Variants in SIKE1 observed in about 807,000 individuals in gnomAD.
The protein encoded by SIKE1 is suppressor of IKK epsilon.
SIKE1 carries 13 observed loss-of-function variants against 25.8 expected under a neutral mutation model. That is an observed-to-expected ratio of 0.50 (90% CI 0.33 to 0.80). The LOEUF (loss-of-function observed/expected upper bound fraction) is 0.80. Among genes scored for constraint, SIKE1 ranks in the 30% least tolerant of loss-of-function variants. The pLI, the probability that SIKE1 is intolerant of heterozygous loss-of-function variation, is 0.02. For missense variants in SIKE1, 222 were observed against 252.4 expected (o/e 0.88, Z 0.82); for synonymous variants, 86 against 95.5 (o/e 0.90, Z 0.58).
Position 114,776,278 on chromosome 1 carries a change from G to C in SIKE1, c.522+68C>G, listed in dbSNP as rs530319816. The C allele has an allele frequency of 1.5e-3, 1,406 of 925,336 alleles. 6 individuals carry two copies. Among genetic ancestry groups the C allele is most frequent in the South Asian group, 7.3e-3 (556 of 76,438 alleles). The allele number at this position is 925,336 out of a possible 1,614,324, so 57.3% of individuals were successfully genotyped here. A position where few individuals can be genotyped will look rare whatever the true frequency, so the allele number is the denominator to read the frequency against. On this transcript the variant is annotated intron_variant, in intron 4 of 4. Coordinates refer to ENST00000060969, the MANE Select transcript of SIKE1 (RefSeq NM_025073.3). Reference sequence around the variant, plus strand: ...ATCAATATATTACAGTGATGGGATAGTGATGGCATATCTTCCAGACTCGGA... The same window carrying C: ...ATCAATATATTACAGTGATGGGATACTGATGGCATATCTTCCAGACTCGGA...
chr1:114,780,034 G>A (rs1020917459), intron 2 of SIKE1, 76 bp downstream of exon 2: 1 of 997,754 alleles, frequency 1.0e-6, no homozygotes, highest in Non-Finnish European at 1.6e-6. Context: ...GGAAATATAT[G>A]TACACTTTTG....
Position 114,773,973 on chromosome 1 carries a change from A to G in SIKE1, c.*298T>C. ...TTATAAAAAATGCTCAAAGTTTCAG[A>G]GATGTGAAAAATAACAAAGAACTGA... On this transcript the variant is annotated 3_prime_UTR_variant, in exon 5 of 5. Transcript: ENST00000060969. 1 of 215,732 alleles carries G rather than the reference A, an allele frequency of 4.6e-6. No individual in the cohort carries two copies. The highest frequency in any genetic ancestry group is 9.1e-6 in the Non-Finnish European group (1 of 109,720). 13.4% of individuals were successfully genotyped at this position (215,732 alleles called of 1,614,324 possible).
At chr1:114,777,293 T>C (rs1244355316) in intron 3 of SIKE1, among the ~76,000 whole-genome samples, 2 of 152,182 alleles carry the variant, frequency 1.3e-5, no homozygotes, top group Non-Finnish European at 2.9e-5. Flanking sequence ...CTCATTCCAG[T>C]TGTATATGTT....
chr1:114,780,272 T>C (rs1287335238), intron 1 of SIKE1, 57 bp from the exon 2 acceptor site: 1 of 1,557,158 alleles, frequency 6.4e-7, no homozygotes. Context: ...CAGATGCAAC[T>C]GAAGAGGCAG....
chr1:114,776,410 C>G lies in SIKE1; in HGVS notation c.458G>C (p.Arg153Thr), dbSNP rs1662239521. ...DRICEMGEVMRKAVQVDDDQF... is the reference protein window; with the variant it reads ...DRICEMGEVMTKAVQVDDDQF... Reference sequence around the variant, plus strand: ...GTCATCATCCACCTGAACTGCTTTCCTCATCACTTCTCCCATTTCACAGAT... The same window carrying G: ...GTCATCATCCACCTGAACTGCTTTCGTCATCACTTCTCCCATTTCACAGAT... The change falls in exon 4 of 5, where the codon AGG becomes ACG. Residue 153 changes from arginine (R) to threonine (T), a missense_variant. Physicochemically the swap from Arg to Thr is moderately conservative, Grantham distance 71. Coordinates refer to ENST00000060969, the MANE Select transcript of SIKE1 (RefSeq NM_025073.3). 6.2e-7 allele frequency: 1 copy of G among 1,613,606 alleles called. No individual in the cohort carries two copies. The highest frequency in any genetic ancestry group is 1.1e-5 in the South Asian group (1 of 91,072).
chr1:114,777,079 C>T (rs1317885650), intron 3 of SIKE1, among the ~76,000 whole-genome samples: 1 of 152,144 alleles, frequency 6.6e-6, no homozygotes, highest in Non-Finnish European at 1.5e-5. Flanking sequence ...GGGTGGGGAA[C>T]ATCACACACC....
chr1:114,780,014 G>C, intron 2 of SIKE1, 96 bp downstream of exon 2: 1 of 840,748 alleles, frequency 1.2e-6, no homozygotes, highest in South Asian at 1.6e-5. Context: ...CCTACTAAAA[G>C]TACTGACCTG....
chr1:114,773,192 T>C lies in SIKE1; in HGVS notation c.*1079A>G, dbSNP rs965370423. On this transcript the variant is annotated 3_prime_UTR_variant, in exon 5 of 5. Transcript: ENST00000060969. ...GTGAACCCAGTTGACCACTGGGCAT[T>C]TGAATCTCAATGTTGCCTACACAGC... 6.6e-6 allele frequency: 1 copy of C among 152,146 alleles called. No homozygotes were observed. The highest frequency in any genetic ancestry group is 1.9e-4 in the East Asian group (1 of 5,192). 9.4% of individuals were successfully genotyped at this position (152,146 alleles called of 1,614,324 possible).
At chr1:114,780,355 G>A in intron 1 of SIKE1, 94 bp downstream of exon 1, 1 of 1,606,418 alleles carries the variant, frequency 6.2e-7, no homozygotes, top group African/African-American at 1.3e-5. Flanking sequence ...TCTGAGACCG[G>A]GAATAAATTC....
At chr1:114,779,370 T>A in intron 2 of SIKE1, 86 bp from the exon 3 acceptor site, 2 of 1,301,638 alleles carry the variant, frequency 1.5e-6, no homozygotes, top group Non-Finnish European at 2.1e-6. Flanking sequence ...TTTGTAACAC[T>A]ATATAGATAA....
In SIKE1 at chr1:114,769,533, T is replaced by G. The variant is rs558605372; in HGVS notation, c.*4738A>C. On this transcript the variant is annotated 3_prime_UTR_variant, in exon 5 of 5. Transcript: ENST00000060969. ...TATGTATGTATTCCTTAACAATATG[T>G]TGTATAACCCAACAATGAAATATAC... The G allele has an allele frequency of 6.6e-6, 1 of 152,278 alleles. No individual in the cohort carries two copies. Among genetic ancestry groups the G allele is most frequent in the African/African-American group, 2.4e-5 (1 of 41,566 alleles). 9.4% of individuals were successfully genotyped at this position (152,278 alleles called of 1,614,324 possible).
At chr1:114,777,592 G>A (rs897167601) in intron 3 of SIKE1, among the ~76,000 whole-genome samples, 1 of 152,110 alleles carries the variant, frequency 6.6e-6, no homozygotes, top group Admixed American at 6.5e-5. Flanking sequence ...GGCTGTAATT[G>A]CAGAGAATAA....
intron 4 of SIKE1, 35 bp downstream of exon 4, chr1:114,776,311 G>T: frequency 7.8e-7 from 1 of 1,281,562 alleles, no homozygotes; most frequent in Non-Finnish European, 1.1e-6. Context: ...GGAAAACTAT[G>T]AAATACTGTG....
chr1:114,769,547 A>G lies in SIKE1; in HGVS notation c.*4724T>C, dbSNP rs1473495110. ...TTAACAATATGTTGTATAACCCAAC[A>G]ATGAAATATACATCAATGAAAATGA... On this transcript the variant is annotated 3_prime_UTR_variant, in exon 5 of 5. Transcript: ENST00000060969. The G allele has an allele frequency of 2.0e-5, 3 of 152,322 alleles. No individual in the cohort carries two copies. The highest frequency in any genetic ancestry group is 4.8e-5 in the African/African-American group (2 of 41,590). 9.4% of individuals were successfully genotyped at this position (152,322 alleles called of 1,614,324 possible). A position where few individuals can be genotyped will look rare whatever the true frequency, so the allele number is the denominator to read the frequency against.
rs1195255556 is a variant in SIKE1 at position 114,774,054 on chromosome 1, T to C, written c.*217A>G. 5 of 364,468 alleles carry C rather than the reference T, an allele frequency of 1.4e-5. No individual in the cohort carries two copies. The East Asian group carries it at 2.0e-4, about 15-fold the overall frequency. 22.6% of individuals were successfully genotyped at this position (364,468 alleles called of 1,614,324 possible). On this transcript the variant is annotated 3_prime_UTR_variant, in exon 5 of 5. Coordinates refer to ENST00000060969, the MANE Select transcript of SIKE1 (RefSeq NM_025073.3). Reference sequence around the variant, plus strand: ...AAATGAAAATTAAAAGTAGTCTCTTTGAGAAAGGAATGGTGAAATTCAGCA... The same window carrying C: ...AAATGAAAATTAAAAGTAGTCTCTTCGAGAAAGGAATGGTGAAATTCAGCA...
Position 114,773,515 on chromosome 1 carries a change from T to A in SIKE1, c.*756A>T, listed in dbSNP as rs1662126715. The A allele has an allele frequency of 6.6e-6, 1 of 152,204 alleles. No individual in the cohort carries two copies. Among genetic ancestry groups the A allele is most frequent in the Non-Finnish European group, 1.5e-5 (1 of 68,042 alleles). The allele number at this position is 152,204 out of a possible 1,614,324, so 9.4% of individuals were successfully genotyped here. Reference sequence around the variant, plus strand: ...TATTTTGTGTGTGTTTTTGGCTGATTATATTTAATAAAAGCTACTTTTAGT... The same window carrying A: ...TATTTTGTGTGTGTTTTTGGCTGATAATATTTAATAAAAGCTACTTTTAGT... On this transcript the variant is annotated 3_prime_UTR_variant, in exon 5 of 5. Transcript: ENST00000060969.
chr1:114,776,212 A>G (rs1662234046), intron 4 of SIKE1, 134 bp downstream of exon 4: 2 of 637,424 alleles, frequency 3.1e-6, no homozygotes, highest in African/African-American at 1.8e-5. Context: ...AAAGGGTATG[A>G]AGGAGGAGTT....
At chr1:114,777,814 A>T (rs1443565029) in intron 3 of SIKE1, among the ~76,000 whole-genome samples, 1 of 151,274 alleles carries the variant, frequency 6.6e-6, no homozygotes, top group African/African-American at 2.4e-5. Context: ...CAATAAAAAG[A>T]TTTGAAATGG....
intron 3 of SIKE1, among the ~76,000 whole-genome samples, chr1:114,777,270 CCTT>C (rs1662271905): frequency 6.6e-6 from 1 of 152,122 alleles, no homozygotes; most frequent in Non-Finnish European, 1.5e-5. Context: ...AAAAAGGCCT[CCTT>C]AAGGGGATCC....
Sources: allele counts gnomAD v4.1 joint callset (sites outside exome capture counted in the v4.1 genomes callset), GRCh38; gene constraint gnomAD v4.1.1; transcripts MANE v1.5; gene names NCBI Gene and HGNC (gene_info 2026-07-23, HGNC 2026-07-21).